TMEM101: variants seen among roughly 807,000 people sequenced by gnomAD.
TMEM101 encodes the protein putative NF-kappa-B-activating protein 130.
TMEM101 carries 14 observed loss-of-function variants against 26.0 expected under a neutral mutation model. That is an observed-to-expected ratio of 0.54 (90% confidence interval 0.36 to 0.84). TMEM101 has a LOEUF of 0.84. Ranked by LOEUF, TMEM101 falls within the 40% of genes least tolerant of loss-of-function variation. The pLI is 0.01. For synonymous variants in TMEM101, 152 were observed against 145.1 expected (o/e 1.05, Z -0.34); for missense variants, 292 against 345.1 (o/e 0.85, Z 1.22).
upstream of TMEM101, chr17:44,019,299 C>A (rs993527103): frequency 4.8e-6 from 2 of 419,856 alleles, no homozygotes; most frequent in South Asian, 1.7e-5. Flanking sequence ...GCTCGAGAGT[C>A]GGACACTGCA....
At chr17:44,014,740 C>G in intron 1 of TMEM101, 76 bp downstream of exon 1, 1 of 1,514,872 alleles carries the variant, frequency 6.6e-7, no homozygotes, top group South Asian at 1.3e-5. Flanking sequence ...GTTCAAGGGT[C>G]CCGACTTCTA....
chr17:44,017,401 AC>A (rs1377121408), upstream of TMEM101, among the ~76,000 whole-genome samples: 1 of 149,482 alleles, frequency 6.7e-6, no homozygotes, highest in African/African-American at 2.5e-5. Context: ...GACCATCCTG[AC>A]TAACACAGTG....
chr17:44,016,550 TTC>T (rs1184565057), upstream of TMEM101, among the ~76,000 whole-genome samples: 1 of 152,144 alleles, frequency 6.6e-6, no homozygotes, highest in Non-Finnish European at 1.5e-5. Flanking sequence ...GTGCCTGGGT[TTC>T]TGTTTACTGT....
At position 44,023,036 on chromosome 17, in the gene TMEM101, C is replaced by T. The variant is rs1366302975; in HGVS notation, c.-324+3G>A. The stretch of plus-strand genomic sequence containing the variant: ...GAAAAGAGATATATATATTTACACT[C>T]ACCAGACTATGGAGGATTCACCACC... On this transcript the variant is annotated splice_donor_region_variant and intron_variant, in intron 1 of 4. Transcript: ENST00000585950. 9.1e-6 allele frequency: 3 copies of T among 331,416 alleles called. No individual in the cohort carries two copies. The East Asian group carries it at 3.4e-4, about 37-fold the overall frequency. The allele number at this position is 331,416 out of a possible 1,614,324, so 20.5% of individuals were successfully genotyped here. A position where few individuals can be genotyped will look rare whatever the true frequency, so the allele number is the denominator to read the frequency against.
upstream of TMEM101, among the ~76,000 whole-genome samples, chr17:44,017,151 T>A (rs1416024523): frequency 2.2e-4 from 8 of 36,204 alleles, no homozygotes; most frequent in African/African-American, 5.6e-4. Flanking sequence ...AGACTCTGTC[T>A]CAAAAAAAAA....
At chr17:44,017,181 C>G (rs1025685788), upstream of TMEM101, among the ~76,000 whole-genome samples, 1 of 150,366 alleles carries the variant, frequency 6.7e-6, no homozygotes, top group Non-Finnish European at 1.5e-5. Context: ...CCCACCAGGC[C>G]GGGTGTGGTG....
At chr17:44,016,378 C>T (rs956551592), upstream of TMEM101, among the ~76,000 whole-genome samples, 6 of 152,094 alleles carry the variant, frequency 3.9e-5, no homozygotes, top group Admixed American at 2.6e-4. Context: ...ACCATGTTGG[C>T]CAGGCTGCTC....
At position 44,011,289 on chromosome 17, in the gene TMEM101, C is replaced by A. The variant is rs1200799480; in HGVS notation, c.*639G>T. On this transcript the variant is annotated 3_prime_UTR_variant, in exon 4 of 4. Coordinates refer to ENST00000206380, the MANE Select transcript of TMEM101 (RefSeq NM_032376.4). ...ACCATGGAGCTAGAAACAGAGACAG[C>A]AGGAAGGGCAAAGCTGGCCACTGCC... The A allele has an allele frequency of 6.6e-6, 1 of 152,368 alleles. No individual in the cohort carries two copies. The highest frequency in any genetic ancestry group is 1.5e-5 in the Non-Finnish European group (1 of 68,154). 9.4% of individuals were successfully genotyped at this position (152,368 alleles called of 1,614,324 possible). A position where few individuals can be genotyped will look rare whatever the true frequency, so the allele number is the denominator to read the frequency against.
chr17:44,019,969 C>T (rs973580121), intron 2 of TMEM101, among the ~76,000 whole-genome samples: 1 of 152,190 alleles, frequency 6.6e-6, no homozygotes, highest in African/African-American at 2.4e-5. Context: ...GACTTTGCAA[C>T]ATGACAGTAC....
chr17:44,014,442 A>G lies in TMEM101; in HGVS notation c.233T>C (p.Phe78Ser). Residue 78 changes from phenylalanine to serine, a missense_variant, in exon 2 of 4, where the codon TTC becomes TCC. Phe to Ser is a radical substitution (Grantham distance 155). Transcript: ENST00000206380. ...CAATTGGAGTGCGGCCCCCAGCGCGAACCAGCGCCGCTTCACGCCAAAGGA... is the reference window on the plus strand; with the variant it reads ...CAATTGGAGTGCGGCCCCCAGCGCGGACCAGCGCCGCTTCACGCCAAAGGA... ...FMSFGVKRRW[F>S]ALGAALQLAI... 1 of 1,558,536 alleles carries G rather than the reference A, an allele frequency of 6.4e-7. No individual in the cohort carries two copies. The highest frequency in any genetic ancestry group is 1.2e-5 in the South Asian group (1 of 84,660).
chr17:44,016,989 C>T (rs1374291357), upstream of TMEM101, among the ~76,000 whole-genome samples: 1 of 151,470 alleles, frequency 6.6e-6, no homozygotes, highest in Non-Finnish European at 1.5e-5. Flanking sequence ...AAAAATTAGC[C>T]AGACGTGATG....
rs540158668 is a variant in TMEM101, at chr17:44,014,884, G to A, written c.69C>T (p.Leu23=). ...AGCAGCCCCAAAAGGGGCAGCGTGT[G>A]AGCAGCACCGAACCCAACTGCATGA... is the stretch of plus-strand genomic sequence containing the variant. The part of the protein sequence containing the change: ...QLIMQLGSVL[L]TRCPFWGCFS... Residue 23 remains leucine (L), a synonymous_variant, in exon 1 of 4, where the codon CTC becomes CTT. Coordinates refer to ENST00000206380, the MANE Select transcript of TMEM101 (RefSeq NM_032376.4). 4.3e-6 allele frequency: 7 copies of A among 1,614,098 alleles called. No homozygotes were observed. Among genetic ancestry groups the A allele is most frequent in the Admixed American group, 3.3e-5 (2 of 59,990 alleles).
Position 44,014,838 on chromosome 17 carries a change from C to A in TMEM101, c.115G>T (p.Ala39Ser). 6.2e-7 allele frequency: 1 copy of A among 1,606,678 alleles called. No homozygotes were observed. The highest frequency in any genetic ancestry group is 2.2e-5 in the East Asian group (1 of 44,756). The change falls in exon 1 of 4, where the codon GCT (alanine) becomes TCT (serine). Residue 39 changes from alanine (A) to serine (S), a missense_variant. Coordinates refer to ENST00000206380, the MANE Select transcript of TMEM101 (RefSeq NM_032376.4). ...WGCFSQLMLY[A>S]ERAEARRKPD... ...CACCGGCGTGCCTCAGCCCTCTCAG[C>A]GTACAGCATGAGCTGGCTGAAGCAG...
At position 44,014,384 on chromosome 17, in the gene TMEM101, G is replaced by A; in HGVS notation, c.291C>T (p.Gly97=). Reference sequence around the variant, plus strand: ...TCAGCCAGTCCCCGTAGTGGACGTAGCCCCCGATGTAGGCGGCGTAGGTGC... The same window carrying A: ...TCAGCCAGTCCCCGTAGTGGACGTAACCCCCGATGTAGGCGGCGTAGGTGC... The part of the protein sequence containing the change: ...AISTYAAYIG[G]YVHYGDWLKV... Residue 97 remains glycine (G), a synonymous_variant, in exon 2 of 4, where the codon GGC becomes GGT. Transcript: ENST00000206380. 2 of 1,554,224 alleles carry A rather than the reference G, an allele frequency of 1.3e-6. No homozygotes were observed. Among genetic ancestry groups the A allele is most frequent in the Non-Finnish European group, 1.7e-6 (2 of 1,148,356 alleles).
rs1453568771 is a variant in TMEM101 at position 44,013,033 on chromosome 17, G to A, written c.441C>T (p.Phe147=). The change falls in exon 3 of 4, where the codon TTC becomes TTT. Residue 147 remains phenylalanine (F), a synonymous_variant. Coordinates refer to ENST00000206380, the MANE Select transcript of TMEM101 (RefSeq NM_032376.4). ...SRSLQSTGQV[F]LGIYLICVAY... The stretch of plus-strand genomic sequence containing the variant: ...CCACACAGATGAGGTAGATACCCAG[G>A]AACACCTGGCCGGTGGACTGCAGGG... 6.2e-7 allele frequency: 1 copy of A among 1,605,752 alleles called. No homozygotes were observed. The highest frequency in any genetic ancestry group is 1.7e-5 in the Admixed American group (1 of 59,818).
At chr17:44,014,217 TA>T in intron 2 of TMEM101, 139 bp downstream of exon 2, 1 of 974,000 alleles carries the variant, frequency 1.0e-6, no homozygotes, top group Non-Finnish European at 1.5e-6. Flanking sequence ...GTAATCTCCA[TA>T]AGCCAAGGGG....
chr17:44,021,914 A>C (rs1430571885), intron 1 of TMEM101, among the ~76,000 whole-genome samples: 2 of 152,220 alleles, frequency 1.3e-5, no homozygotes, highest in Non-Finnish European at 2.9e-5. Context: ...GTTTCTGCCT[A>C]AGGCTCCAAT....
At chr17:44,014,753 C>G in intron 1 of TMEM101, 63 bp downstream of exon 1, 1 of 1,518,852 alleles carries the variant, frequency 6.6e-7, no homozygotes, top group Non-Finnish European at 8.8e-7. Flanking sequence ...GACTTCTAGC[C>G]CCCAATTTCT....
At chr17:44,020,818 T>C (rs1334957956) in intron 2 of TMEM101, among the ~76,000 whole-genome samples, 1 of 152,212 alleles carries the variant, frequency 6.6e-6, no homozygotes, top group Non-Finnish European at 1.5e-5. Flanking sequence ...AGGTAGCCCA[T>C]TCCCAGCGGC....
Sources: gnomAD v4.1 joint callset for allele counts (sites outside exome capture counted in the v4.1 genomes callset) on GRCh38, gnomAD v4.1.1 for gene constraint, MANE v1.5 for transcripts, NCBI Gene and HGNC (gene_info 2026-07-23, HGNC 2026-07-21) for gene names.